Variants in NAA35 observed in about 807,000 individuals in gnomAD.
The protein encoded by NAA35 is N-alpha-acetyltransferase 35, NatC auxiliary subunit, also known as MAK10 homolog, amino-acid N-acetyltransferase subunit.
NAA35 carries 18 observed loss-of-function variants against 101.7 expected under a neutral mutation model. The observed-to-expected ratio is 0.18, with a 90% CI of 0.12 to 0.26. NAA35 has a LOEUF of 0.26. Among genes scored for constraint, NAA35 ranks in the 10% least tolerant of loss-of-function variants. The pLI is 1.00. For missense variants in NAA35, 601 were observed against 886.8 expected, an observed-to-expected ratio of 0.68 and a Z score of 4.09; for synonymous variants, 267 against 273.1, an observed-to-expected ratio of 0.98 and a Z score of 0.22.
intron 11 of NAA35, 26 bp from the exon 12 acceptor site, chr9:85,996,373 T>A: frequency 6.6e-7 from 1 of 1,526,638 alleles, no homozygotes. Context: ...AGTTGAAAAA[T>A]TTTACTTTCA....
chr9:85,962,297 C>T, intron 6 of NAA35, 117 bp downstream of exon 6: 1 of 840,722 alleles, frequency 1.2e-6, no homozygotes, highest in South Asian at 1.7e-5. Context: ...TTGAGACCAG[C>T]CTGGCCAACA....
At chr9:85,970,166 T>C (rs937653551) in intron 6 of NAA35, among the ~76,000 whole-genome samples, 13 of 152,332 alleles carry the variant, frequency 8.5e-5, no homozygotes, top group African/African-American at 2.6e-4. Flanking sequence ...AACTATACCA[T>C]AGAAATATAA....
At position 85,957,967 on chromosome 9, in the gene NAA35, G is replaced by T. The variant is rs184362136; in HGVS notation, c.159-505G>T. Among the ~76,000 whole-genome samples the T allele has an allele frequency of 1.1e-4, 17 of 150,486 alleles. 1 individual carries two copies. The highest frequency in any genetic ancestry group is 2.2e-4 in the Non-Finnish European group (15 of 67,720). ...TTCTTTTTTTTTTTTTTGAGAGGGA[G>T]TTTCACTCTTGTTGCCCAGGCTGGA... On this transcript the variant is annotated intron_variant, in intron 3 of 22. Transcript: ENST00000361671.
chr9:85,946,953 TCTTC>T (rs1828793868), intron 2 of NAA35, among the ~76,000 whole-genome samples: 1 of 152,224 alleles, frequency 6.6e-6, no homozygotes, highest in Non-Finnish European at 1.5e-5. Context: ...TTCTTGTTGC[TCTTC>T]CTTTCTTTTC....
chr9:86,007,253 A>G, intron 13 of NAA35, 105 bp from the exon 14 acceptor site: 1 of 725,960 alleles, frequency 1.4e-6, no homozygotes, highest in East Asian at 2.8e-5. Context: ...AACTTTTTAT[A>G]TTTTAATCAC....
intron 6 of NAA35, chr9:85,966,509 C>A: frequency 3.2e-6 from 2 of 629,174 alleles, no homozygotes; most frequent in Non-Finnish European, 4.6e-6. Context: ...TTTAGCTTCA[C>A]TATAATCCAG....
At chr9:86,021,683 C>G (rs543086458) in intron 22 of NAA35, among the ~76,000 whole-genome samples, 1 of 152,252 alleles carries the variant, frequency 6.6e-6, no homozygotes, top group South Asian at 2.1e-4. Flanking sequence ...GCTGGTCAGC[C>G]TGTTTTCTTA....
intron 11 of NAA35, among the ~76,000 whole-genome samples, chr9:85,995,861 A>G (rs1345658003): frequency 6.6e-6 from 1 of 152,164 alleles, no homozygotes; most frequent in Non-Finnish European, 1.5e-5. Flanking sequence ...TCTTTAAAAT[A>G]TTGTGGATTT....
At chr9:85,968,696 C>A (rs1440632943) in intron 6 of NAA35, among the ~76,000 whole-genome samples, 1 of 151,622 alleles carries the variant, frequency 6.6e-6, no homozygotes, top group Admixed American at 6.6e-5. Flanking sequence ...ATTCTAACTT[C>A]TGGATTTAAG....
chr9:86,013,701 G>A lies in NAA35; in HGVS notation c.1390-18G>A. 1 of 1,605,792 alleles carries A rather than the reference G, an allele frequency of 6.2e-7. No individual in the cohort carries two copies. The highest frequency in any genetic ancestry group is 2.2e-5 in the East Asian group (1 of 44,782). On this transcript the variant is annotated intron_variant, in intron 16 of 22. Coordinates refer to ENST00000361671, the MANE Select transcript of NAA35 (RefSeq NM_024635.4). ...AGAAAACAAAACGAACACAGTTTAT[G>A]ACATTTTATTTTAATAGGCAGAGAA... is the stretch of plus-strand genomic sequence containing the variant.
At chr9:85,995,626 G>A (rs981374182) in intron 11 of NAA35, among the ~76,000 whole-genome samples, 2 of 151,992 alleles carry the variant, frequency 1.3e-5, no homozygotes, top group Non-Finnish European at 2.9e-5. Context: ...TCTTTAATTG[G>A]CATCTGAAAC....
chr9:86,012,967 T>C, intron 15 of NAA35, 79 bp from the exon 16 acceptor site: 2 of 965,978 alleles, frequency 2.1e-6, no homozygotes, highest in Non-Finnish European at 3.0e-6. Context: ...TTAAACCAGA[T>C]TGTGAACTTG....
intron 14 of NAA35, among the ~76,000 whole-genome samples, chr9:86,008,716 C>A (rs1831758971): frequency 6.6e-6 from 1 of 152,156 alleles, no homozygotes; most frequent in Non-Finnish European, 1.5e-5. Flanking sequence ...GTGTGGTAGT[C>A]TAGTTGTTCC....
intron 11 of NAA35, among the ~76,000 whole-genome samples, chr9:85,983,411 T>A (rs1322868952): frequency 6.6e-6 from 1 of 152,066 alleles, no homozygotes; most frequent in African/African-American, 2.4e-5. Context: ...ATTCCCTTGA[T>A]AAAATGGCTT....
At chr9:85,955,488 G>A (rs1214584958) in intron 2 of NAA35, among the ~76,000 whole-genome samples, 4 of 147,014 alleles carry the variant, frequency 2.7e-5, no homozygotes, top group Non-Finnish European at 6.0e-5. Flanking sequence ...TCAGCCTCCC[G>A]AGTAGCTGGG....
intron 2 of NAA35, among the ~76,000 whole-genome samples, chr9:85,951,029 T>C (rs908396878): frequency 2.0e-5 from 3 of 151,896 alleles, no homozygotes; most frequent in African/African-American, 7.3e-5. Flanking sequence ...TCCCAGCTAC[T>C]TGGGAGGCTG....
At chr9:85,953,336 C>G (rs757431529) in intron 2 of NAA35, among the ~76,000 whole-genome samples, 1 of 150,060 alleles carries the variant, frequency 6.7e-6, no homozygotes, top group Non-Finnish European at 1.5e-5. Context: ...GGACTCTTAT[C>G]TTGTGAAGCT....
chr9:86,023,513 A>C lies in NAA35; in HGVS notation c.*1553A>C, dbSNP rs1832658565. The stretch of plus-strand genomic sequence containing the variant: ...GAAGAGAGCCTGAAGCAAGTTAGAA[A>C]GCTGAGAAATTATTATTCTTTCCCA... On this transcript the variant is annotated 3_prime_UTR_variant, in exon 23 of 23. Coordinates refer to ENST00000361671, the MANE Select transcript of NAA35 (RefSeq NM_024635.4). Among the ~76,000 whole-genome samples the C allele has an allele frequency of 2.0e-5, 3 of 152,244 alleles. No individual in the cohort carries two copies. The South Asian group carries it at 6.2e-4, about 31-fold the overall frequency.
chr9:86,016,456 G>A (rs1352487776), intron 17 of NAA35, 83 bp from the exon 18 acceptor site: 1 of 1,194,206 alleles, frequency 8.4e-7, no homozygotes, highest in South Asian at 1.5e-5. Context: ...AGCATTATTT[G>A]AAATATCTAT....
Sources: gnomAD v4.1 joint callset for allele counts (sites outside exome capture counted in the v4.1 genomes callset) on GRCh38, gnomAD v4.1.1 for gene constraint, MANE v1.5 for transcripts, NCBI Gene and HGNC (gene_info 2026-07-23, HGNC 2026-07-21) for gene names.